PADI6: variants seen among roughly 807,000 people sequenced by gnomAD.
PADI6 encodes peptidyl arginine deiminase 6.
In PADI6, 66 loss-of-function variants were observed where a neutral mutation model predicts 78.2. The observed-to-expected ratio is 0.84, with a 90% CI of 0.69 to 1.04. The LOEUF (loss-of-function observed/expected upper bound fraction) is 1.04. PADI6 is among the 50% of genes least tolerant of loss of function. The pLI is 0.00. For missense variants in PADI6, 854 were observed against 866.1 expected (o/e 0.99, Z 0.18); for synonymous variants, 397 against 346.9 (o/e 1.14, Z -1.60).
chr1:17,375,157 A>C (rs2075002691), intron 2 of PADI6, among the ~76,000 whole-genome samples: 1 of 152,140 alleles, frequency 6.6e-6, no homozygotes, highest in African/African-American at 2.4e-5. Flanking sequence ...TCACCCCGCC[A>C]TCAGGGATAC....
At chr1:17,396,207 G>A (rs535299032) in intron 13 of PADI6, among the ~76,000 whole-genome samples, 27 of 152,158 alleles carry the variant, frequency 1.8e-4, no homozygotes, top group African/African-American at 6.3e-4. Flanking sequence ...CCAACATGAC[G>A]AAAGCCCATC....
At position 17,372,220 on chromosome 1, in the gene PADI6, G is replaced by A; in HGVS notation, c.-26G>A. ...GGGGCGTCTGAGGCTGCTGTGCTGA[G>A]TGAGGGCTGCGGTGCAGGCCTGAGG... On this transcript the variant is annotated 5_prime_UTR_variant, in exon 1 of 16. It adds an upstream start codon to the 5' untranslated region. Coordinates refer to ENST00000619609, the MANE Select transcript of PADI6 (RefSeq NM_207421.4). The A allele has an allele frequency of 6.2e-7, 1 of 1,601,378 alleles. No individual in the cohort carries two copies. Among genetic ancestry groups the A allele is most frequent in the Non-Finnish European group, 8.6e-7 (1 of 1,168,506 alleles).
At chr1:17,379,813 A>T in intron 3 of PADI6, 107 bp from the exon 4 acceptor site, 2 of 881,344 alleles carry the variant, frequency 2.3e-6, no homozygotes, top group South Asian at 1.5e-5. Context: ...CAGAAAGGCT[A>T]GATGCCCTGA....
At chr1:17,400,566 G>A (rs147852455) in intron 15 of PADI6, among the ~76,000 whole-genome samples, 396 of 152,322 alleles carry the variant, frequency 2.6e-3, no homozygotes, top group African/African-American at 9.1e-3. Flanking sequence ...TAAACCAGAA[G>A]TTATAGTCAA....
intron 3 of PADI6, among the ~76,000 whole-genome samples, chr1:17,379,508 C>G (rs2075052017): frequency 1.3e-5 from 2 of 152,216 alleles, no homozygotes; most frequent in Admixed American, 6.5e-5. Flanking sequence ...CCATCCACCT[C>G]AGTCTCCCAG....
chr1:17,391,865 G>A lies in PADI6; in HGVS notation c.963-249G>A, dbSNP rs538011651. On this transcript the variant is annotated intron_variant, in intron 8 of 15. Transcript: ENST00000619609. ...AAACAGAGCAGGCCTTGGCTACCAG[G>A]GAAGGGGCCGCCACTGGCACTTCCC... 2.0e-5 allele frequency among the ~76,000 whole-genome samples: 3 copies of A among 152,334 alleles called. No homozygotes were observed. The South Asian group carries it at 6.2e-4, about 32-fold the overall frequency.
At chr1:17,383,928 C>A (rs2075096610) in intron 6 of PADI6, among the ~76,000 whole-genome samples, 1 of 151,536 alleles carries the variant, frequency 6.6e-6, no homozygotes, top group Non-Finnish European at 1.5e-5. Context: ...GCAGGCGGAT[C>A]ACCTGAGGTC....
chr1:17,378,749 C>T (rs1293554774), intron 3 of PADI6, among the ~76,000 whole-genome samples: 1 of 151,846 alleles, frequency 6.6e-6, no homozygotes, highest in South Asian at 2.1e-4. Flanking sequence ...GAACTACAAG[C>T]ACCTGCCACC....
chr1:17,398,737 G>A lies in PADI6; in HGVS notation c.1741G>A (p.Glu581Lys), dbSNP rs749330805. Reference sequence around the variant, plus strand: ...CCTGAAGACGGAGCTGGGCCTGGTGGAACAGGACATCATCGAGATTCCCCA... The same window carrying A: ...CCTGAAGACGGAGCTGGGCCTGGTGAAACAGGACATCATCGAGATTCCCCA... ...DILKTELGLVEQDIIEIPQLF... is the reference protein window; with the variant it reads ...DILKTELGLVKQDIIEIPQLF... Residue 581 changes from glutamate (E) to lysine (K), a missense_variant, in exon 15 of 16, where the codon GAA becomes AAA. Physicochemically the swap from Glu to Lys is moderately conservative, Grantham distance 56 (BLOSUM62 1). Transcript: ENST00000619609. The A allele has an allele frequency of 3.1e-6, 5 of 1,590,352 alleles. No homozygotes were observed. Among genetic ancestry groups the A allele is most frequent in the South Asian group, 1.1e-5 (1 of 90,510 alleles).
intron 15 of PADI6, among the ~76,000 whole-genome samples, chr1:17,399,311 A>T (rs1161833999): frequency 6.6e-6 from 1 of 152,182 alleles, no homozygotes; most frequent in Non-Finnish European, 1.5e-5. Flanking sequence ...TTAAAATAAC[A>T]TTCTAGGCCA....
rs765742836 is a variant in PADI6 at position 17,372,325 on chromosome 1, G to T, written c.80G>T (p.Cys27Phe). 1 of 1,614,002 alleles carries T rather than the reference G, an allele frequency of 6.2e-7. No homozygotes were observed. The highest frequency in any genetic ancestry group is 8.5e-7 in the Non-Finnish European group (1 of 1,179,888). The change falls in exon 1 of 16, where the codon TGT becomes TTT. Residue 27 changes from cysteine to phenylalanine, a missense_variant. Transcript: ENST00000619609. Reference sequence around the variant, plus strand: ...CTGGACAGCCCTGTCCATGCCGTTTGTGTGTTGGGCACAGAAATCTGCTTG... The same window carrying T: ...CTGGACAGCCCTGTCCATGCCGTTTTTGTGTTGGGCACAGAAATCTGCTTG... ...LSLDSPVHAV[C>F]VLGTEICLDL...
In PADI6 at chr1:17,393,861, G is replaced by C. The variant is rs559191480; in HGVS notation, c.1075-114G>C. 5.9e-5 allele frequency: 50 copies of C among 848,812 alleles called. No individual in the cohort carries two copies. The South Asian group carries it at 6.4e-4, about 11-fold the overall frequency. 52.6% of individuals were successfully genotyped at this position (848,812 alleles called of 1,614,324 possible). On this transcript the variant is annotated intron_variant, in intron 9 of 15. Transcript: ENST00000619609. ...AGGGGTGATATCTGAGCTGGGTGTT[G>C]AGGGTTGAGCAGGAGTTGGCAGGAA...
intron 6 of PADI6, among the ~76,000 whole-genome samples, chr1:17,386,769 A>G (rs1394427893): frequency 6.6e-6 from 1 of 152,218 alleles, no homozygotes; most frequent in Non-Finnish European, 1.5e-5. Flanking sequence ...GGGCTGCTGC[A>G]GAACTGCAGA....
Position 17,394,216 on chromosome 1 carries a change from C to T in PADI6, c.1183-84C>T, listed in dbSNP as rs889215189. 22 of 1,572,128 alleles carry T rather than the reference C, an allele frequency of 1.4e-5. No homozygotes were observed. In the African/African-American group the frequency reaches 2.7e-4, roughly 19 times the overall value. On this transcript the variant is annotated intron_variant, in intron 10 of 15. Transcript: ENST00000619609. ...GGGGGGAGGGGACGTGGAAGTCTAC[C>T]TGAGAGCCTGGATTTAGGGATAAGA...
chr1:17,391,085 C>T (rs1311565832), intron 8 of PADI6, among the ~76,000 whole-genome samples: 1 of 152,160 alleles, frequency 6.6e-6, no homozygotes, highest in Admixed American at 6.5e-5. Context: ...AGTTACATTG[C>T]TGTATTCTAT....
At chr1:17,388,971 T>C in intron 8 of PADI6, 91 bp downstream of exon 8, 1 of 1,010,430 alleles carries the variant, frequency 9.9e-7, no homozygotes, top group South Asian at 1.5e-5. Flanking sequence ...TGAAGATGAC[T>C]AGGACCTCTC....
intron 13 of PADI6, among the ~76,000 whole-genome samples, chr1:17,395,936 G>A (rs945495574): frequency 1.3e-5 from 2 of 152,178 alleles, no homozygotes; most frequent in African/African-American, 4.8e-5. Flanking sequence ...GGGGGAAAAC[G>A]GGTGTTAACA....
intron 14 of PADI6, 148 bp downstream of exon 14, chr1:17,397,289 G>A: frequency 1.2e-6 from 1 of 846,460 alleles, no homozygotes; most frequent in Admixed American, 2.4e-5. Flanking sequence ...TCTTGATACA[G>A]GCCCAGGTCT....
chr1:17,385,388 A>AGT (rs780669926), intron 6 of PADI6, among the ~76,000 whole-genome samples: 1 of 152,098 alleles, frequency 6.6e-6, no homozygotes, highest in Non-Finnish European at 1.5e-5. Context: ...GAGAGGATGT[A>AGT]GTGATGGGTT....
Sources: gnomAD v4.1 joint callset for allele counts (sites outside exome capture counted in the v4.1 genomes callset) on GRCh38, gnomAD v4.1.1 for gene constraint, MANE v1.5 for transcripts, NCBI Gene and HGNC (gene_info 2026-07-23, HGNC 2026-07-21) for gene names.